COA8: variants seen among roughly 807,000 people sequenced by gnomAD.
The protein encoded by COA8 is cytochrome c oxidase assembly factor 8.
In COA8, 20 loss-of-function variants were observed where a neutral mutation model predicts 22.0. That is an observed-to-expected ratio of 0.91 (90% CI 0.64 to 1.32). The LOEUF (loss-of-function observed/expected upper bound fraction) is 1.32. Ranked by LOEUF, COA8 falls within the 40% of genes most tolerant of loss-of-function variation. The probability of loss-of-function intolerance (pLI) is 0.00; values close to 1 mark genes in which losing one functional copy is unlikely to be tolerated. For missense variants in COA8, 266 were observed against 230.0 expected, an observed-to-expected ratio of 1.16 and a Z score of -1.01; for synonymous variants, 105 against 79.9, an observed-to-expected ratio of 1.31 and a Z score of -1.68.
intron 4 of COA8, 91 bp from the exon 5 acceptor site, chr14:103,590,090 C>A: frequency 9.6e-7 from 1 of 1,036,558 alleles, no homozygotes; most frequent in Non-Finnish European, 1.5e-6. Flanking sequence ...GTCAGTTGAA[C>A]TCATCCTCAA....
intron 3 of COA8, among the ~76,000 whole-genome samples, chr14:103,577,371 CAG>C (rs1161567268): frequency 3.4e-4 from 51 of 152,186 alleles, no homozygotes; most frequent in African/African-American, 1.2e-3. Flanking sequence ...CCACCGCGCC[CAG>C]CCTACAGTGC....
rs1281813511 is a variant in COA8 at position 103,581,866 on chromosome 14, CTGAG to C, written c.386-5405_386-5402del. ...GACAGCCGTGCTTGTGCTGTGCCGT[CTGAG>C]TGTTTGTTTCTGTCTGTGGGAATAA... On this transcript the variant is annotated intron_variant, in intron 3 of 4. Coordinates refer to ENST00000409074, the MANE Select transcript of COA8 (RefSeq NM_001370595.2). The surrounding 1 kb of genome is among the most constrained non-coding windows in gnomAD (Gnocchi z 4.1). Among the ~76,000 whole-genome samples, 1 of 152,200 alleles carries C rather than the reference CTGAG, an allele frequency of 6.6e-6. No homozygotes were observed. Among genetic ancestry groups the C allele is most frequent in the Non-Finnish European group, 1.5e-5 (1 of 68,040 alleles).
chr14:103,577,975 G>C (rs1168981432), intron 3 of COA8, among the ~76,000 whole-genome samples: 5 of 134,444 alleles, frequency 3.7e-5, no homozygotes. Context: ...ACTGAACCGA[G>C]ATTGCACCAT....
intron 3 of COA8, among the ~76,000 whole-genome samples, chr14:103,577,440 A>G (rs2076237467): frequency 6.6e-6 from 1 of 152,206 alleles, no homozygotes; most frequent in South Asian, 2.1e-4. Context: ...GAATGTTTTC[A>G]GTCTTGAGAC....
rs1395927529 is a variant in COA8 at position 103,571,536 on chromosome 14, C to T, written c.124-87C>T. 3.0e-6 allele frequency: 4 copies of T among 1,346,616 alleles called. No individual in the cohort carries two copies. The Admixed American group carries it at 7.6e-5, about 26-fold the overall frequency. 83.4% of individuals were successfully genotyped at this position (1,346,616 alleles called of 1,614,324 possible). Reference sequence around the variant, plus strand: ...CTGGCAACAGAGCGAGACTCCGTCTCTAAGTAAATAAATAAATCCAGATTG... The same window carrying T: ...CTGGCAACAGAGCGAGACTCCGTCTTTAAGTAAATAAATAAATCCAGATTG... On this transcript the variant is annotated intron_variant, in intron 1 of 4. Coordinates refer to ENST00000409074, the MANE Select transcript of COA8 (RefSeq NM_001370595.2).
At chr14:103,578,821 CT>C (rs1178965373) in intron 3 of COA8, among the ~76,000 whole-genome samples, 1 of 152,206 alleles carries the variant, frequency 6.6e-6, no homozygotes, top group Non-Finnish European at 1.5e-5. Flanking sequence ...GTACCCCTGC[CT>C]TTGGGATACT....
intron 4 of COA8, 107 bp downstream of exon 4, chr14:103,587,471 G>T: frequency 1.7e-5 from 9 of 537,540 alleles, no homozygotes; most frequent in South Asian, 4.0e-5. Flanking sequence ...AGAGGTAGAA[G>T]TTGCAAGACT....
At chr14:103,590,124 G>GCACCAAGCCTCAGTCCCTGC (rs1202559226) in intron 4 of COA8, 57 bp from the exon 5 acceptor site, 16 of 1,479,736 alleles carry the variant, frequency 1.1e-5, no homozygotes, top group Middle Eastern at 1.7e-4. Flanking sequence ...CTGGGCCAGG[G>GCACCAAGCCTCAGTCCCTGC]CACCAAGCCT....
chr14:103,576,157 T>C (rs747848871), intron 3 of COA8, among the ~76,000 whole-genome samples: 2 of 152,078 alleles, frequency 1.3e-5, no homozygotes, highest in African/African-American at 4.8e-5. Context: ...AATACAAAAA[T>C]TAGCTGGTCG....
In COA8 at chr14:103,574,191, G is replaced by GT. The variant is rs562504344; in HGVS notation, c.385+29dup. 6.0e-4 allele frequency: 894 copies of GT among 1,492,704 alleles called. 1 individual carries two copies. Among genetic ancestry groups the GT allele is most frequent in the African/African-American group, 2.5e-3 (171 of 68,794 alleles). The allele number at this position is 1,492,704 out of a possible 1,614,324, so 92.5% of individuals were successfully genotyped here. A position where few individuals can be genotyped will look rare whatever the true frequency, so the allele number is the denominator to read the frequency against. Reference sequence around the variant, plus strand: ...ATCAGGTTAGTGTGTTTGTTTGATTGTTTTTTTTGCTTTCTTTGCGTTTGA... The same window carrying GT: ...ATCAGGTTAGTGTGTTTGTTTGATTGTTTTTTTTTGCTTTCTTTGCGTTTGA... On this transcript the variant is annotated intron_variant, in intron 3 of 4. Coordinates refer to ENST00000409074, the MANE Select transcript of COA8 (RefSeq NM_001370595.2).
intron 4 of COA8, chr14:103,588,341 G>C (rs2076326246): frequency 2.5e-6 from 1 of 394,470 alleles, no homozygotes; most frequent in Non-Finnish European, 4.5e-6. Context: ...ATAGTGAAAG[G>C]CTTGAGCTAG....
intron 1 of COA8, among the ~76,000 whole-genome samples, chr14:103,568,070 C>T (rs1353929406): frequency 6.6e-6 from 1 of 152,160 alleles, no homozygotes; most frequent in Non-Finnish European, 1.5e-5. Context: ...CTGACTCCTT[C>T]TCAGATGGGA....
intron 1 of COA8, among the ~76,000 whole-genome samples, chr14:103,568,570 C>T (rs117645633): frequency 0.026 from 2,354 of 91,760 alleles, 30 homozygotes; most frequent in Non-Finnish European, 0.036. Context: ...CACATATATA[C>T]GTGTGTGTGT....
rs1369722141 is a variant in COA8, at chr14:103,571,788, T to C, written c.289T>C (p.Phe97Leu). The C allele has an allele frequency of 6.2e-7, 1 of 1,614,052 alleles. No individual in the cohort carries two copies. Among genetic ancestry groups the C allele is most frequent in the Admixed American group, 1.7e-5 (1 of 60,008 alleles). ...RQETQEWNQQ[F>L]WANQNLTFSK... is the part of the protein sequence containing the mutation. ...AGAAACACAAGAATGGAATCAACAG[T>C]TCTGGGCAAACCAGAATTTGACTTT... Residue 97 changes from phenylalanine to leucine, a missense_variant, in exon 2 of 5, where the codon TTC becomes CTC. Phe to Leu is a conservative substitution (Grantham distance 22). Coordinates refer to ENST00000409074, the MANE Select transcript of COA8 (RefSeq NM_001370595.2).
chr14:103,587,445 C>A, intron 4 of COA8, 81 bp downstream of exon 4: 1 of 836,534 alleles, frequency 1.2e-6, no homozygotes, highest in Non-Finnish European at 1.8e-6. Flanking sequence ...AATTTAACAA[C>A]ATTCATGTTT....
chr14:103,587,061 G>A (rs1426950342), intron 3 of COA8, among the ~76,000 whole-genome samples: 3 of 152,076 alleles, frequency 2.0e-5, no homozygotes, highest in Non-Finnish European at 4.4e-5. Context: ...TTATTCCTAA[G>A]TCTTTTATTA....
chr14:103,569,182 A>G (rs35772097), intron 1 of COA8, among the ~76,000 whole-genome samples: 4,664 of 152,246 alleles, frequency 0.031, 126 homozygotes, highest in Middle Eastern at 0.071. Flanking sequence ...GAAACTAGCA[A>G]TTATGGTAAT....
intron 2 of COA8, 36 bp from the exon 3 acceptor site, chr14:103,574,071 T>G: frequency 6.7e-7 from 1 of 1,499,386 alleles, no homozygotes; most frequent in Admixed American, 2.3e-5. Context: ...AAAGGAGTTC[T>G]GAGAGCCTTT....
At position 103,590,839 on chromosome 14, in the gene COA8, C is replaced by T. The variant is rs1481739362; in HGVS notation, c.*553C>T. The T allele has an allele frequency of 6.6e-6, 1 of 152,134 alleles. No individual in the cohort carries two copies. The highest frequency in any genetic ancestry group is 1.5e-5 in the Non-Finnish European group (1 of 68,060). The allele number at this position is 152,134 out of a possible 1,614,324, so 9.4% of individuals were successfully genotyped here. ...CACCACTGCACTCCAGCCTGGAAGA[C>T]CAAACGAGACTCTGTATCAAAAAAT... On this transcript the variant is annotated 3_prime_UTR_variant, in exon 5 of 5. Coordinates refer to ENST00000409074, the MANE Select transcript of COA8 (RefSeq NM_001370595.2).
Sources: allele counts gnomAD v4.1 joint callset (sites outside exome capture counted in the v4.1 genomes callset), GRCh38; gene constraint gnomAD v4.1.1; non-coding constraint Gnocchi (gnomAD v3.1); transcripts MANE v1.5; gene names NCBI Gene and HGNC (gene_info 2026-07-23, HGNC 2026-07-21).